Variants in TAOK3 observed in about 807,000 individuals in gnomAD.
TAOK3 encodes serine/threonine-protein kinase TAO3.
A neutral mutation model predicts 120.4 loss-of-function variants in TAOK3; 40 were observed. The ratio of observed to expected loss-of-function variants is 0.33; its 90% CI spans 0.26 to 0.43. TAOK3 has a LOEUF of 0.43. TAOK3 is among the 20% of genes least tolerant of loss of function. The probability of loss-of-function intolerance (pLI) is 1.00; values close to 1 mark genes in which losing one functional copy is unlikely to be tolerated. For missense variants in TAOK3, 821 were observed against 1,112.1 expected (o/e 0.74, Z 3.72); for synonymous variants, 355 against 387.5 (o/e 0.92, Z 0.99).
chr12:118,159,915 C>T, intron 19 of TAOK3: 1 of 566,102 alleles, frequency 1.8e-6, no homozygotes, highest in Admixed American at 3.1e-5. Context: ...CCCTATGTGC[C>T]ACAGGTCTGA....
intron 1 of TAOK3, among the ~76,000 whole-genome samples, chr12:118,318,781 T>C (rs1289816829): frequency 1.3e-5 from 2 of 152,222 alleles, no homozygotes; most frequent in African/African-American, 2.4e-5. Context: ...GTACTTTTCA[T>C]GTTCATTGCA....
intron 14 of TAOK3, among the ~76,000 whole-genome samples, chr12:118,184,982 A>G (rs2036987823): frequency 6.6e-6 from 1 of 152,140 alleles, no homozygotes; most frequent in Non-Finnish European, 1.5e-5. Flanking sequence ...TGCTCAACAC[A>G]TGCTGGTTTC....
chr12:118,216,918 G>C (rs1049206770), intron 9 of TAOK3, among the ~76,000 whole-genome samples: 3 of 116,748 alleles, frequency 2.6e-5, no homozygotes, highest in African/African-American at 1.0e-4. Context: ...GTCAGAGTGA[G>C]ACTCCATCTC....
At chr12:118,321,345 C>T (rs1403241435) in intron 1 of TAOK3, among the ~76,000 whole-genome samples, 1 of 152,122 alleles carries the variant, frequency 6.6e-6, no homozygotes, top group Non-Finnish European at 1.5e-5. Flanking sequence ...ACTGCAACCT[C>T]GACCTGCCAG....
chr12:118,258,745 T>C (rs906297032), intron 2 of TAOK3, among the ~76,000 whole-genome samples: 1 of 151,386 alleles, frequency 6.6e-6, no homozygotes, highest in Non-Finnish European at 1.5e-5. Flanking sequence ...AGCATTTTGA[T>C]TTTATTGCTT....
chr12:118,295,924 G>A (rs2042664292), intron 1 of TAOK3, among the ~76,000 whole-genome samples: 2 of 152,128 alleles, frequency 1.3e-5, no homozygotes, highest in South Asian at 4.1e-4. Flanking sequence ...GGAAGAATGG[G>A]CAAGATATGG....
At chr12:118,217,813 A>G (rs200699898) in intron 9 of TAOK3, among the ~76,000 whole-genome samples, 17,502 of 47,228 alleles carry the variant, frequency 0.37, 3,039 homozygotes, top group Non-Finnish European at 0.41. Context: ...GTGTGTGTGT[A>G]TACATATATA....
chr12:118,169,857 A>G (rs1247737763), intron 17 of TAOK3, among the ~76,000 whole-genome samples: 4 of 152,056 alleles, frequency 2.6e-5, no homozygotes, highest in African/African-American at 4.8e-5. Flanking sequence ...AGTAGCTGGG[A>G]CTACAGATGC....
rs555104252 is a variant in TAOK3, at chr12:118,332,557, A to G, written c.-194+40091T>C. Among the ~76,000 whole-genome samples, 22 of 152,322 alleles carry G rather than the reference A, an allele frequency of 1.4e-4. No homozygotes were observed. In the South Asian group the frequency reaches 4.6e-3, roughly 32 times the overall value. The stretch of plus-strand genomic sequence containing the variant: ...TTTTTTATTATGAGGCTATAGCTAG[A>G]TAAAAATAAATAAAGAAGATTAAAT... On this transcript the variant is annotated intron_variant, in intron 1 of 20. Transcript: ENST00000392533.
At chr12:118,156,135 A>G (rs1236719943) in intron 19 of TAOK3, among the ~76,000 whole-genome samples, 1 of 152,134 alleles carries the variant, frequency 6.6e-6, no homozygotes, top group East Asian at 1.9e-4. Context: ...ATCAACCTCC[A>G]TGTGTCTATC....
chr12:118,341,331 G>A (rs557305290), intron 1 of TAOK3, among the ~76,000 whole-genome samples: 3 of 151,882 alleles, frequency 2.0e-5, no homozygotes, highest in Non-Finnish European at 2.9e-5. Flanking sequence ...AAAATTTAAC[G>A]ATAATTTTTT....
intron 1 of TAOK3, among the ~76,000 whole-genome samples, chr12:118,302,847 A>G (rs58797246): frequency 0.02 from 3,096 of 152,264 alleles, 108 homozygotes; most frequent in African/African-American, 0.071. Context: ...TTTTTTTTCT[A>G]CAAGTGAAAA....
chr12:118,257,376 T>C (rs2041031329), intron 2 of TAOK3, among the ~76,000 whole-genome samples: 2 of 152,222 alleles, frequency 1.3e-5, no homozygotes, highest in Admixed American at 1.3e-4. Context: ...GGACATCATT[T>C]TGACATGCTC....
intron 9 of TAOK3, 77 bp downstream of exon 9, chr12:118,233,597 C>T: frequency 8.7e-7 from 1 of 1,147,014 alleles, no homozygotes; most frequent in Non-Finnish European, 1.3e-6. Context: ...CATTATGATT[C>T]TTAAAAATAC....
chr12:118,357,146 G>A (rs2045431083), intron 1 of TAOK3, among the ~76,000 whole-genome samples: 1 of 152,086 alleles, frequency 6.6e-6, no homozygotes, highest in African/African-American at 2.4e-5. Context: ...ATGCATCTGG[G>A]CAGAGATGTC....
At chr12:118,265,383 T>G (rs2041401750) in intron 2 of TAOK3, among the ~76,000 whole-genome samples, 2 of 129,440 alleles carry the variant, frequency 1.5e-5, no homozygotes, top group Admixed American at 8.7e-5. Context: ...AGTGAAACAC[T>G]GTCTCAGGAA....
intron 14 of TAOK3, among the ~76,000 whole-genome samples, chr12:118,182,621 ATATTT>A (rs1450984152): frequency 3.7e-4 from 37 of 98,974 alleles, no homozygotes; most frequent in African/African-American, 1.8e-3. Context: ...ATATATATAT[ATATTT>A]TTTTTTTTTT....
At chr12:118,207,280 C>G (rs931635988) in intron 11 of TAOK3, among the ~76,000 whole-genome samples, 2 of 149,328 alleles carry the variant, frequency 1.3e-5, no homozygotes, top group Non-Finnish European at 3.0e-5. Context: ...GAGCCGAGAT[C>G]GTGCCATTGC....
chr12:118,265,502 A>C (rs1418468239), intron 2 of TAOK3, among the ~76,000 whole-genome samples: 2 of 152,156 alleles, frequency 1.3e-5, no homozygotes, highest in Admixed American at 6.6e-5. Flanking sequence ...CAAAACAAAA[A>C]AAAGAGTAGT....
Sources: gnomAD v4.1 joint callset for allele counts (sites outside exome capture counted in the v4.1 genomes callset) on GRCh38, gnomAD v4.1.1 for gene constraint, MANE v1.5 for transcripts, NCBI Gene and HGNC (gene_info 2026-07-23, HGNC 2026-07-21) for gene names.